Variants in TYSND1 observed in about 807,000 individuals in gnomAD.
TYSND1 encodes the protein peroxisomal leader peptide-processing protease.
TYSND1 carries 30 observed loss-of-function variants against 37.2 expected under a neutral mutation model. That is an observed-to-expected ratio of 0.81 (90% confidence interval 0.60 to 1.09). The LOEUF is 1.09. Ranked by LOEUF, TYSND1 falls within the 50% of genes least tolerant of loss-of-function variation. TYSND1 has a pLI of 0.00. For missense variants in TYSND1, 806 were observed against 817.4 expected (o/e 0.99, Z 0.17); for synonymous variants, 364 against 383.8 (o/e 0.95, Z 0.60).
At chr10:70,142,325 C>G (rs1362620257) in intron 3 of TYSND1, among the ~76,000 whole-genome samples, 1 of 152,186 alleles carries the variant, frequency 6.6e-6, no homozygotes, top group Non-Finnish European at 1.5e-5. Context: ...AGACCCCTCC[C>G]CTCCCCTCCC....
chr10:70,144,639 C>T (rs117283973), intron 1 of TYSND1: 7 of 985,806 alleles, frequency 7.1e-6, no homozygotes, highest in Non-Finnish European at 8.4e-6. Flanking sequence ...TTCCAACAGA[C>T]CTGGCAGTCT....
chr10:70,139,744 G>A lies in TYSND1; in HGVS notation c.*180C>T. 1.6e-6 allele frequency: 1 copy of A among 607,748 alleles called. No homozygotes were observed. The highest frequency in any genetic ancestry group is 2.8e-6 in the Non-Finnish European group (1 of 352,256). The allele number at this position is 607,748 out of a possible 1,614,324, so 37.6% of individuals were successfully genotyped here. On this transcript the variant is annotated 3_prime_UTR_variant, in exon 4 of 4. Transcript: ENST00000287078. The stretch of plus-strand genomic sequence containing the variant: ...ACGGGCTGCCAGGTTAAGGATCCAT[G>A]GGGCTGAAGAGAAGTTTGCCCCAGA...
chr10:70,145,338 T>C, intron 1 of TYSND1, 83 bp downstream of exon 1: 1 of 1,242,782 alleles, frequency 8.0e-7, no homozygotes. Flanking sequence ...AAGAAAGGCC[T>C]GCACAATACT....
chr10:70,140,819 T>C (rs2072758579), intron 3 of TYSND1, among the ~76,000 whole-genome samples: 1 of 152,176 alleles, frequency 6.6e-6, no homozygotes, highest in African/African-American at 2.4e-5. Context: ...CTAATGTCCT[T>C]TTTCAGTTCC....
intron 2 of TYSND1, among the ~76,000 whole-genome samples, chr10:70,143,385 G>C (rs1389508746): frequency 6.6e-6 from 1 of 152,200 alleles, no homozygotes; most frequent in Non-Finnish European, 1.5e-5. Flanking sequence ...TGAGGCAGAG[G>C]ATAGTTAACT....
rs10524341 is a variant in TYSND1, at chr10:70,140,505, TTGAATGAATGAATGAATGAATGAA to T, written c.1484-388_1484-365del. Among the ~76,000 whole-genome samples the T allele has an allele frequency of 6.8e-3, 1,025 of 150,852 alleles. 22 individuals are homozygous for T. The highest frequency in any genetic ancestry group is 0.023 in the African/African-American group (954 of 40,974). On this transcript the variant is annotated intron_variant, in intron 3 of 3. Transcript: ENST00000287078. ...CAAGTAGGCGCGCAACAAAGGCTTG[TTGAATGAATGAATGAATGAATGAA>T]TGAATGAATGAATGAATGAATGAAT...
Position 70,139,705 on chromosome 10 carries a change from G to T in TYSND1, c.*219C>A. 1.8e-6 allele frequency: 1 copy of T among 545,806 alleles called. No homozygotes were observed. The allele number at this position is 545,806 out of a possible 1,614,324, so 33.8% of individuals were successfully genotyped here. ...AGGGGACAGAGAACTGGGGGCTCAA[G>T]AAAGCACCCCAAAACGGGCTGCCAG... On this transcript the variant is annotated 3_prime_UTR_variant, in exon 4 of 4. Coordinates refer to ENST00000287078, the MANE Select transcript of TYSND1 (RefSeq NM_173555.4).
At position 70,146,286 on chromosome 10, in the gene TYSND1, C is replaced by A; in HGVS notation, c.301G>T (p.Gly101Cys). Residue 101 changes from glycine (G) to cysteine (C), a missense_variant, in exon 1 of 4, where the codon GGC becomes TGC. This residue lies in a region of TYSND1 where 708 missense variants were observed against 705.4 expected (regional missense o/e 1.00). Coordinates refer to ENST00000287078, the MANE Select transcript of TYSND1 (RefSeq NM_173555.4). ...AAGPGGGAER[G>C]RPGLCTPQCA... ...TGGGGCGTGCACAGCCCTGGGCGGC[C>A]CCGCTCCGCGCCGCCCCCGGGACCC... 1 of 1,472,170 alleles carries A rather than the reference C, an allele frequency of 6.8e-7. No individual in the cohort carries two copies. The allele number at this position is 1,472,170 out of a possible 1,614,324, so 91.2% of individuals were successfully genotyped here.
chr10:70,140,209 G>A, intron 3 of TYSND1, 68 bp from the exon 4 acceptor site: 2 of 1,328,440 alleles, frequency 1.5e-6, no homozygotes, highest in South Asian at 2.7e-5. Context: ...AAGGGAGGAG[G>A]ACCATCTCCA....
chr10:70,143,903 C>T lies in TYSND1; in HGVS notation c.1236G>A (p.Val412=), dbSNP rs2136692195. 6.2e-7 allele frequency: 1 copy of T among 1,614,228 alleles called. No homozygotes were observed. Among genetic ancestry groups the T allele is most frequent in the Non-Finnish European group, 8.5e-7 (1 of 1,180,040 alleles). ...QETCPYDIAV[V]SLEEDLDDVP... ...CATCATCCAGGTCCTCCTCCAGGCT[C>T]ACCACTGCTATGTCATAGGGACATG... Residue 412 remains valine, a synonymous_variant, in exon 2 of 4, where the codon GTG becomes GTA. Transcript: ENST00000287078.
At position 70,141,120 on chromosome 10, in the gene TYSND1, T is replaced by C. The variant is rs118061287; in HGVS notation, c.1484-979A>G. The stretch of plus-strand genomic sequence containing the variant: ...CCGCCTCAGCCTCCCTAAAATATTT[T>C]GTAGAGATGGGGCCTCACTATGGTT... On this transcript the variant is annotated intron_variant, in intron 3 of 3. Coordinates refer to ENST00000287078, the MANE Select transcript of TYSND1 (RefSeq NM_173555.4). Among the ~76,000 whole-genome samples the C allele has an allele frequency of 6.6e-3, 995 of 151,244 alleles. 11 individuals are homozygous for C. Among genetic ancestry groups the C allele is most frequent in the Admixed American group, 9.6e-3 (146 of 15,188 alleles).
rs1267263284 is a variant in TYSND1, at chr10:70,145,967, A to T, written c.620T>A (p.Val207Glu). 1.9e-6 allele frequency: 3 copies of T among 1,562,596 alleles called. No homozygotes were observed. The East Asian group carries it at 7.2e-5, about 38-fold the overall frequency. The change falls in exon 1 of 4, where the codon GTG (valine) becomes GAG (glutamate). Residue 207 changes from valine (V) to glutamate (E), a missense_variant. Physicochemically the swap from Val to Glu is moderately radical, Grantham distance 121. Coordinates refer to ENST00000287078, the MANE Select transcript of TYSND1 (RefSeq NM_173555.4). ...VEEERGPAMA[V>E]SPLGAVPKGA... ...CTTGGGCACGGCCCCGAGAGGCGAC[A>T]CCGCCATGGCTGGCCCGCGCTCCTC...
intron 1 of TYSND1, 183 bp from the exon 2 acceptor site, chr10:70,144,155 CTG>C (rs2072836231): frequency 4.2e-6 from 3 of 710,770 alleles, no homozygotes; most frequent in East Asian, 5.7e-5. Flanking sequence ...GGTTGACAAA[CTG>C]TGCTACTTCT....
rs770914763 is a variant in TYSND1, at chr10:70,145,497, G to A, written c.1090C>T (p.Pro364Ser). 6.5e-7 allele frequency: 1 copy of A among 1,530,378 alleles called. No homozygotes were observed. The highest frequency in any genetic ancestry group is 8.7e-7 in the Non-Finnish European group (1 of 1,144,528). The allele number at this position is 1,530,378 out of a possible 1,614,324, so 94.8% of individuals were successfully genotyped here. Residue 364 changes from proline to serine, a missense_variant, in exon 1 of 4, where the codon CCC (proline) becomes TCC (serine). By Grantham distance (74) the Pro-to-Ser change is moderately conservative. Around this residue, in one of 3 missense-constraint regions of TYSND1, gnomAD observed 708 missense variants for 705.4 expected, o/e 1.00. Transcript: ENST00000287078. ...TVWGSGVAVA[P>S]RLVVTCRHVS... ...TGCCGACAGGTCACTACAAGGCGGG[G>A]TGCCACAGCCACTCCGGAGCCCCAT...
In TYSND1 at chr10:70,142,869, G is replaced by T. The variant is rs763945834; in HGVS notation, c.1298-16C>A. 14 of 1,611,456 alleles carry T rather than the reference G, an allele frequency of 8.7e-6. No homozygotes were observed. The Admixed American group carries it at 2.3e-4, about 27-fold the overall frequency. On this transcript the variant is annotated splice_polypyrimidine_tract_variant and intron_variant, in intron 2 of 3. Coordinates refer to ENST00000287078, the MANE Select transcript of TYSND1 (RefSeq NM_173555.4). Reference sequence around the variant, plus strand: ...ACAGCCTCGCCTGCCAGGGAAGGAAGGAGGGTGAAGCTGGGGACACCTGTG... The same window carrying T: ...ACAGCCTCGCCTGCCAGGGAAGGAATGAGGGTGAAGCTGGGGACACCTGTG...
chr10:70,142,326 C>G (rs2072791936), intron 3 of TYSND1, among the ~76,000 whole-genome samples: 2 of 152,182 alleles, frequency 1.3e-5, no homozygotes, highest in African/African-American at 4.8e-5. Flanking sequence ...GACCCCTCCC[C>G]TCCCCTCCCT....
chr10:70,145,689 C>G lies in TYSND1; in HGVS notation c.898G>C (p.Ala300Pro), dbSNP rs1839190851. ...TCGCGGGCGGCGCGGAAAAGGGGGGCGGCGGCGCAGAGCAGCGTGAAGCCC... is the reference window on the plus strand; with the variant it reads ...TCGCGGGCGGCGCGGAAAAGGGGGGGGGCGGCGCAGAGCAGCGTGAAGCCC... ...WVGFTLLCAA[A>P]PLFRAARDAL... is the part of the protein sequence containing the mutation. Residue 300 changes from alanine (A) to proline (P), a missense_variant, in exon 1 of 4, where the codon GCC becomes CCC. Physicochemically the swap from Ala to Pro is conservative, Grantham distance 27 (BLOSUM62 -1). This residue lies in a region of TYSND1 where 708 missense variants were observed against 705.4 expected (regional missense o/e 1.00). Coordinates refer to ENST00000287078, the MANE Select transcript of TYSND1 (RefSeq NM_173555.4). 1 of 1,387,504 alleles carries G rather than the reference C, an allele frequency of 7.2e-7. No individual in the cohort carries two copies. The highest frequency in any genetic ancestry group is 1.5e-5 in the African/African-American group (1 of 65,482). 85.9% of individuals were successfully genotyped at this position (1,387,504 alleles called of 1,614,324 possible).
Position 70,138,132 on chromosome 10 carries a change from T to C in TYSND1, c.*1792A>G, listed in dbSNP as rs934130348. The C allele has an allele frequency of 6.6e-6, 1 of 152,048 alleles. No individual in the cohort carries two copies. Among genetic ancestry groups the C allele is most frequent in the Non-Finnish European group, 1.5e-5 (1 of 68,008 alleles). 9.4% of individuals were successfully genotyped at this position (152,048 alleles called of 1,614,324 possible). ...CCAGGAAGTGCCAGGTGTTCAGCTA[T>C]CCAGAAGCTCTCTGAACCCTGTCCT... is the stretch of plus-strand genomic sequence containing the variant. On this transcript the variant is annotated 3_prime_UTR_variant, in exon 4 of 4. Transcript: ENST00000287078.
rs1480382613 is a variant in TYSND1, at chr10:70,146,297, C to G, written c.290G>C (p.Gly97Ala). Reference sequence around the variant, plus strand: ...CAGCCCTGGGCGGCCCCGCTCCGCGCCGCCCCCGGGACCCGCGGCCGTTGG... The same window carrying G: ...CAGCCCTGGGCGGCCCCGCTCCGCGGCGCCCCCGGGACCCGCGGCCGTTGG... The part of the protein sequence containing the change: ...WAPTAAGPGG[G>A]AERGRPGLCT... Residue 97 changes from glycine (G) to alanine (A), a missense_variant, in exon 1 of 4, where the codon GGC (glycine) becomes GCC (alanine). Coordinates refer to ENST00000287078, the MANE Select transcript of TYSND1 (RefSeq NM_173555.4). 1 of 1,481,018 alleles carries G rather than the reference C, an allele frequency of 6.8e-7. No homozygotes were observed. The highest frequency in any genetic ancestry group is 2.3e-5 in the Admixed American group (1 of 42,660). 91.7% of individuals were successfully genotyped at this position (1,481,018 alleles called of 1,614,324 possible).
Sources: allele counts gnomAD v4.1 joint callset (sites outside exome capture counted in the v4.1 genomes callset), GRCh38; gene constraint gnomAD v4.1.1; regional missense constraint gnomAD v4.1.1; transcripts MANE v1.5; gene names NCBI Gene and HGNC (gene_info 2026-07-23, HGNC 2026-07-21).